Variants in C6 observed in about 807,000 individuals in gnomAD.
C6 encodes complement component C6.
In C6, 101 loss-of-function variants were observed where a neutral mutation model predicts 112.9. The observed-to-expected ratio is 0.89, with a 90% CI of 0.76 to 1.06. The LOEUF (loss-of-function observed/expected upper bound fraction) is 1.06. C6 is among the 50% of genes least tolerant of loss of function. The probability of loss-of-function intolerance (pLI) is 0.00; values close to 1 mark genes in which losing one functional copy is unlikely to be tolerated. For synonymous variants in C6, 431 were observed against 384.1 expected (o/e 1.12, Z -1.43); for missense variants, 1,202 against 1,104.6 (o/e 1.09, Z -1.25).
chr5:41,162,188 G>A (rs746969079), intron 9 of C6, among the ~76,000 whole-genome samples: 1 of 152,132 alleles, frequency 6.6e-6, no homozygotes, highest in Non-Finnish European at 1.5e-5. Context: ...ATTTGTCCTG[G>A]AACACATGGT....
At chr5:41,258,143 G>T (rs73075915) in intron 1 of C6, among the ~76,000 whole-genome samples, 8,751 of 151,918 alleles carry the variant, frequency 0.058, 332 homozygotes, top group African/African-American at 0.1. Flanking sequence ...ACATAGTCTT[G>T]GTATTATCTA....
intron 8 of C6, among the ~76,000 whole-genome samples, chr5:41,173,496 A>G (rs1056386383): frequency 7.9e-5 from 12 of 152,158 alleles, no homozygotes; most frequent in African/African-American, 2.7e-4. Flanking sequence ...TCACTGCTGG[A>G]AACATCAAAA....
chr5:41,250,331 G>T (rs2004385), intron 1 of C6, among the ~76,000 whole-genome samples: 5 of 151,942 alleles, frequency 3.3e-5, no homozygotes, highest in Non-Finnish European at 7.4e-5. Context: ...TAAAATTACC[G>T]GCATGAGTTA....
At chr5:41,171,780 C>G (rs1162908339) in intron 9 of C6, among the ~76,000 whole-genome samples, 1 of 152,136 alleles carries the variant, frequency 6.6e-6, no homozygotes, top group Non-Finnish European at 1.5e-5. Flanking sequence ...CAAAATAATT[C>G]TTTTCACAAA....
At chr5:41,175,373 G>A (rs995952836) in intron 8 of C6, among the ~76,000 whole-genome samples, 2 of 152,194 alleles carry the variant, frequency 1.3e-5, no homozygotes, top group South Asian at 2.1e-4. Flanking sequence ...TGTATGTACT[G>A]TGTGCATGCA....
At chr5:41,153,134 A>C (rs1226547561) in intron 15 of C6, 3 of 152,242 alleles carry the variant, frequency 2.0e-5, no homozygotes, top group Non-Finnish European at 4.4e-5. Flanking sequence ...CCCTGCCTGA[A>C]AGTGTCTTTA....
At position 41,203,151 on chromosome 5, in the gene C6, T is replaced by G. The variant is rs766749453; in HGVS notation, c.80A>C (p.Tyr27Ser). Reference sequence around the variant, plus strand: ...GCAGCTGGTCCACTGAGTCCATGCATAGTGATCACAGAAGCAGGCTTGGCC... The same window carrying G: ...GCAGCTGGTCCACTGAGTCCATGCAGAGTGATCACAGAAGCAGGCTTGGCC... ...NKGQACFCDH[Y>S]AWTQWTSCSK... The change falls in exon 2 of 18, where the codon TAT (tyrosine) becomes TCT (serine). Residue 27 changes from tyrosine to serine, a missense_variant. Tyr to Ser is a moderately radical substitution (Grantham distance 144). Coordinates refer to ENST00000337836, the MANE Select transcript of C6 (RefSeq NM_000065.5). 1 of 1,614,058 alleles carries G rather than the reference T, an allele frequency of 6.2e-7. No individual in the cohort carries two copies. Among genetic ancestry groups the G allele is most frequent in the Non-Finnish European group, 8.5e-7 (1 of 1,179,964 alleles).
intron 1 of C6, among the ~76,000 whole-genome samples, chr5:41,208,766 A>T (rs1202828017): frequency 2.0e-5 from 3 of 152,230 alleles, no homozygotes; most frequent in Non-Finnish European, 4.4e-5. Context: ...GACCAGATGG[A>T]TTCACAGCCG....
At chr5:41,150,087 T>C in intron 15 of C6, 62 bp from the exon 16 acceptor site, 1 of 1,058,356 alleles carries the variant, frequency 9.4e-7, no homozygotes, top group Non-Finnish European at 1.5e-6. Context: ...GTGATAAGCT[T>C]GAATTCAGAG....
intron 13 of C6, among the ~76,000 whole-genome samples, chr5:41,155,962 T>C (rs1257588239): frequency 6.6e-6 from 1 of 152,094 alleles, no homozygotes; most frequent in Non-Finnish European, 1.5e-5. Context: ...CAATTCCTAG[T>C]AACCCATTGG....
chr5:41,244,690 A>G (rs1431241148), intron 1 of C6, among the ~76,000 whole-genome samples: 1 of 150,588 alleles, frequency 6.6e-6, no homozygotes. Flanking sequence ...AGCACTTCAA[A>G]GCCAAGGTAT....
At chr5:41,228,135 C>A (rs11959810) in intron 1 of C6, among the ~76,000 whole-genome samples, 1,532 of 152,030 alleles carry the variant, frequency 0.01, 33 homozygotes, top group African/African-American at 0.035. Flanking sequence ...TGTCTGCTTC[C>A]ATTTTTTTCA....
intron 2 of C6, 129 bp downstream of exon 2, chr5:41,202,959 A>T: frequency 2.2e-6 from 2 of 929,918 alleles, no homozygotes; most frequent in East Asian, 4.8e-5. Flanking sequence ...TTCAAATTTC[A>T]TCCAAATTTG....
At chr5:41,176,339 C>T in intron 8 of C6, 136 bp downstream of exon 8, 13 of 879,724 alleles carry the variant, frequency 1.5e-5, no homozygotes, top group South Asian at 5.9e-5. Context: ...TATTTTTTAT[C>T]ATTCTTCATA....
chr5:41,231,504 G>A (rs1258588317), intron 1 of C6, among the ~76,000 whole-genome samples: 2 of 152,014 alleles, frequency 1.3e-5, no homozygotes, highest in Non-Finnish European at 1.5e-5. Flanking sequence ...CTACACTTTT[G>A]CTTCTTCCAT....
chr5:41,154,263 A>G (rs1203365693), intron 14 of C6, among the ~76,000 whole-genome samples: 1 of 152,220 alleles, frequency 6.6e-6, no homozygotes, highest in Non-Finnish European at 1.5e-5. Context: ...TTATGAAATC[A>G]TTGGGACCTT....
chr5:41,256,238 G>T (rs186804551), intron 1 of C6, among the ~76,000 whole-genome samples: 253 of 151,814 alleles, frequency 1.7e-3, no homozygotes, highest in African/African-American at 5.3e-3. Flanking sequence ...GAATAATGCC[G>T]CAATAAACAT....
intron 17 of C6, among the ~76,000 whole-genome samples, chr5:41,148,689 T>C (rs1746081508): frequency 6.6e-6 from 1 of 152,128 alleles, no homozygotes; most frequent in South Asian, 2.1e-4. Flanking sequence ...GGAGAAGCAG[T>C]AGAGAGCTGG....
At chr5:41,154,942 G>T in intron 14 of C6, 30 bp downstream of exon 14, 1 of 1,611,238 alleles carries the variant, frequency 6.2e-7, no homozygotes, top group East Asian at 2.2e-5. Flanking sequence ...CTGTAAAGTA[G>T]TCAAGCAAAA....
Sources: gnomAD v4.1 joint callset for allele counts (sites outside exome capture counted in the v4.1 genomes callset) on GRCh38, gnomAD v4.1.1 for gene constraint, MANE v1.5 for transcripts, NCBI Gene and HGNC (gene_info 2026-07-23, HGNC 2026-07-21) for gene names.